Variants in CNTNAP2 observed in about 807,000 individuals in gnomAD.
The protein encoded by CNTNAP2 is contactin associated protein 2.
A neutral mutation model predicts 155.2 loss-of-function variants in CNTNAP2; 98 were observed. The ratio of observed to expected loss-of-function variants is 0.63; its 90% CI spans 0.54 to 0.75. The LOEUF (loss-of-function observed/expected upper bound fraction) is 0.75, where lower values mean the gene tolerates loss of function less well. Among genes scored for constraint, CNTNAP2 ranks in the 30% least tolerant of loss-of-function variants. The probability of loss-of-function intolerance (pLI) is 0.00; values close to 1 mark genes in which losing one functional copy is unlikely to be tolerated. For synonymous variants in CNTNAP2, 651 were observed against 631.2 expected, an observed-to-expected ratio of 1.03 and a Z score of -0.47; for missense variants, 1,727 against 1,688.1, an observed-to-expected ratio of 1.02 and a Z score of -0.40.
At chr7:148,314,244 T>C (rs1023781067) in intron 21 of CNTNAP2, among the ~76,000 whole-genome samples, 15 of 152,150 alleles carry the variant, frequency 9.9e-5, no homozygotes, top group African/African-American at 3.6e-4. Context: ...ACAAGTTGCA[T>C]TGGGAACAGA....
chr7:147,110,693 A>C (rs1584849974), intron 5 of CNTNAP2, among the ~76,000 whole-genome samples: 2 of 152,296 alleles, frequency 1.3e-5, no homozygotes, highest in South Asian at 4.1e-4. Flanking sequence ...TGTGCCCGCA[A>C]AGGACAGGAT....
chr7:146,992,809 G>A (rs80274306), intron 3 of CNTNAP2, among the ~76,000 whole-genome samples: 7,856 of 152,064 alleles, frequency 0.052, 363 homozygotes, highest in East Asian at 0.18. Context: ...ATCCTTGCTA[G>A]GACTTTGCTC....
intron 1 of CNTNAP2, among the ~76,000 whole-genome samples, chr7:146,497,442 G>A (rs1797235150): frequency 6.6e-6 from 1 of 151,916 alleles, no homozygotes; most frequent in Non-Finnish European, 1.5e-5. Context: ...ATTTTAATAT[G>A]CTTCTTCCTT....
chr7:146,581,093 T>A (rs1288177386), intron 1 of CNTNAP2, among the ~76,000 whole-genome samples: 1 of 152,116 alleles, frequency 6.6e-6, no homozygotes, highest in Non-Finnish European at 1.5e-5. Context: ...AAGGAAAGGC[T>A]GATTGACAAA....
Position 147,267,552 on chromosome 7 carries a change from T to C in CNTNAP2, c.1349-32589T>C, listed in dbSNP as rs528629309. On this transcript the variant is annotated intron_variant, in intron 8 of 23. Coordinates refer to ENST00000361727, the MANE Select transcript of CNTNAP2 (RefSeq NM_014141.6). ...CTTTTCCTATTATGCCAACCAAGGT[T>C]AACACATTTTTTTTTTTCTGAATTC... is the stretch of plus-strand genomic sequence containing the variant. 9.4e-3 allele frequency among the ~76,000 whole-genome samples: 718 copies of C among 76,244 alleles called. 7 individuals carry two copies. The highest frequency in any genetic ancestry group is 0.049 in the African/African-American group (672 of 13,816). 50.0% of individuals were successfully genotyped at this position (76,244 alleles called of 152,430 possible). A position where few individuals can be genotyped will look rare whatever the true frequency, so the allele number is the denominator to read the frequency against.
chr7:147,415,069 A>G (rs2116496320), intron 10 of CNTNAP2, among the ~76,000 whole-genome samples: 1 of 152,168 alleles, frequency 6.6e-6, no homozygotes, highest in South Asian at 2.1e-4. Flanking sequence ...CCAGAACACA[A>G]TGTTCTAGAC....
At chr7:147,610,406 T>C (rs1211337621) in intron 12 of CNTNAP2, among the ~76,000 whole-genome samples, 2 of 152,184 alleles carry the variant, frequency 1.3e-5, no homozygotes, top group African/African-American at 2.4e-5. Flanking sequence ...GAGTTCCTTT[T>C]GAAGGATCCT....
intron 1 of CNTNAP2, among the ~76,000 whole-genome samples, chr7:146,613,847 G>A (rs1322304955): frequency 1.3e-5 from 2 of 152,060 alleles, no homozygotes; most frequent in Non-Finnish European, 2.9e-5. Flanking sequence ...TTCTTTCACA[G>A]TTTTCTGTTG....
At chr7:147,382,881 G>A (rs1796559771) in intron 9 of CNTNAP2, among the ~76,000 whole-genome samples, 1 of 152,066 alleles carries the variant, frequency 6.6e-6, no homozygotes, top group Non-Finnish European at 1.5e-5. Flanking sequence ...TTATCAAGAA[G>A]AGAGTGGCAC....
chr7:146,367,400 T>A (rs1795171041), intron 1 of CNTNAP2, among the ~76,000 whole-genome samples: 1 of 152,180 alleles, frequency 6.6e-6, no homozygotes, highest in Admixed American at 6.5e-5. Flanking sequence ...GCCTTTGGTG[T>A]ACTTATATAT....
At chr7:148,411,548 G>A (rs1013153296) in intron 23 of CNTNAP2, among the ~76,000 whole-genome samples, 3 of 152,056 alleles carry the variant, frequency 2.0e-5, no homozygotes, top group South Asian at 4.2e-4. Flanking sequence ...TTATAGGTGT[G>A]AGCCACCGTG....
At chr7:146,613,577 ATTTAT>A (rs144103409) in intron 1 of CNTNAP2, among the ~76,000 whole-genome samples, 3,617 of 152,220 alleles carry the variant, frequency 0.024, 136 homozygotes, top group African/African-American at 0.083. Context: ...GATAAAATTA[ATTTAT>A]TTTATTTAAT....
chr7:146,148,316 C>T (rs988464756), intron 1 of CNTNAP2, among the ~76,000 whole-genome samples: 3 of 152,116 alleles, frequency 2.0e-5, no homozygotes, highest in Admixed American at 6.6e-5. Context: ...TAGAGCAAGT[C>T]GTCTAGCATC....
intron 1 of CNTNAP2, among the ~76,000 whole-genome samples, chr7:146,451,853 T>TATATACATACGTG (rs1306006293): frequency 3.0e-5 from 4 of 132,986 alleles, no homozygotes; most frequent in Admixed American, 2.3e-4. Flanking sequence ...TATACACGTA[T>TATATACATACGTG]TCTATATATA....
intron 2 of CNTNAP2, among the ~76,000 whole-genome samples, chr7:146,824,438 T>G (rs1186441255): frequency 6.6e-6 from 1 of 152,152 alleles, no homozygotes; most frequent in Non-Finnish European, 1.5e-5. Context: ...GTATTTCTGG[T>G]TCTGCATCCT....
intron 9 of CNTNAP2, among the ~76,000 whole-genome samples, chr7:147,336,800 C>G (rs1301211815): frequency 6.6e-6 from 1 of 152,072 alleles, no homozygotes; most frequent in Non-Finnish European, 1.5e-5. Flanking sequence ...AAGTGTAAGA[C>G]CATGGTACTG....
At chr7:148,194,598 C>T (rs1235074456) in intron 18 of CNTNAP2, among the ~76,000 whole-genome samples, 2 of 151,996 alleles carry the variant, frequency 1.3e-5, no homozygotes, top group Admixed American at 6.6e-5. Flanking sequence ...GAGCTGGAGG[C>T]CCAGGAAAGC....
chr7:146,157,541 C>T (rs1022419724), intron 1 of CNTNAP2, among the ~76,000 whole-genome samples: 6 of 152,148 alleles, frequency 3.9e-5, no homozygotes, highest in African/African-American at 1.4e-4. Flanking sequence ...CACTCTAATA[C>T]AGCGCTTTTC....
At chr7:148,009,179 A>G (rs1802029477) in intron 15 of CNTNAP2, among the ~76,000 whole-genome samples, 1 of 152,228 alleles carries the variant, frequency 6.6e-6, no homozygotes, top group African/African-American at 2.4e-5. Context: ...AACCTAGCCT[A>G]CCTTAAACAT....
Sources: gnomAD v4.1 joint callset for allele counts (sites outside exome capture counted in the v4.1 genomes callset) on GRCh38, gnomAD v4.1.1 for gene constraint, MANE v1.5 for transcripts, NCBI Gene and HGNC (gene_info 2026-07-23, HGNC 2026-07-21) for gene names.